Variants in SGCD observed in about 807,000 individuals in gnomAD.
The protein encoded by SGCD is sarcoglycan delta.
In SGCD, 18 loss-of-function variants were observed where a neutral mutation model predicts 36.6. The ratio of observed to expected loss-of-function variants is 0.49; its 90% CI spans 0.34 to 0.73. The LOEUF (loss-of-function observed/expected upper bound fraction) is 0.73. Among genes scored for constraint, SGCD ranks in the 30% least tolerant of loss-of-function variants. SGCD has a pLI of 0.01. For missense variants in SGCD, 387 were observed against 346.7 expected (o/e 1.12, Z -0.92); for synonymous variants, 133 against 130.6 (o/e 1.02, Z -0.12).
chr5:155,791,857 C>T, the SGCD span, among the ~76,000 whole-genome samples: 1 of 152,190 alleles, frequency 6.6e-6, no homozygotes, highest in Non-Finnish European at 1.5e-5. Flanking sequence ...AGATTCAATG[C>T]TATCCCTATG....
intron 4 of SGCD, among the ~76,000 whole-genome samples, chr5:156,545,432 G>A (rs969147424): frequency 6.6e-6 from 1 of 152,070 alleles, no homozygotes; most frequent in Admixed American, 6.6e-5. Flanking sequence ...TTTGGCACCA[G>A]GGAGCAGTTT....
At chr5:156,739,445 T>C (rs969863323) in intron 7 of SGCD, among the ~76,000 whole-genome samples, 15 of 152,160 alleles carry the variant, frequency 9.9e-5, no homozygotes, top group Non-Finnish European at 4.4e-5. Context: ...GACAAATAAA[T>C]AATTGCAAAT....
chr5:156,013,024 G>GTTTT (rs776733082), intron 1 of SGCD, among the ~76,000 whole-genome samples: 2 of 137,432 alleles, frequency 1.5e-5, no homozygotes, highest in African/African-American at 5.3e-5. Context: ...ACATTTAGGT[G>GTTTT]TTTTTTTTTT....
At chr5:156,487,648 C>T (rs372903569) in intron 3 of SGCD, among the ~76,000 whole-genome samples, 8 of 151,340 alleles carry the variant, frequency 5.3e-5, no homozygotes, top group African/African-American at 9.7e-5. Flanking sequence ...ATTAGCCAGG[C>T]GTGGTGGTGT....
At chr5:156,171,326 A>G (rs1399077614) in intron 3 of SGCD, among the ~76,000 whole-genome samples, 2 of 152,216 alleles carry the variant, frequency 1.3e-5, no homozygotes, top group African/African-American at 2.4e-5. Context: ...GGATCCATCT[A>G]CATTAGTCCT....
intron 3 of SGCD, among the ~76,000 whole-genome samples, chr5:156,419,558 G>A (rs1048242753): frequency 2.6e-5 from 4 of 152,140 alleles, no homozygotes; most frequent in South Asian, 2.1e-4. Flanking sequence ...GCTCTTCATG[G>A]ATCAGCCTAA....
chr5:155,965,389 G>C lies in SGCD; in HGVS notation c.-282+94965G>C, dbSNP rs1757882620. Among the ~76,000 whole-genome samples, 3 of 152,034 alleles carry C rather than the reference G, an allele frequency of 2.0e-5. No individual in the cohort carries two copies. In the South Asian group the frequency reaches 6.2e-4, roughly 31 times the overall value. ...CAGCTCCTTTCTAAGTATTGTCTTT[G>C]CCTCTTATGTCAATCATTGTTCAGG... On this transcript the variant is annotated intron_variant, in intron 1 of 9. Coordinates refer to the SGCD transcript ENST00000517913.
At chr5:156,483,018 T>C (rs1755507634) in intron 3 of SGCD, among the ~76,000 whole-genome samples, 2 of 152,106 alleles carry the variant, frequency 1.3e-5, no homozygotes, top group African/African-American at 4.8e-5. Flanking sequence ...CACTCCCCCT[T>C]GTGACAACTA....
At chr5:156,751,530 G>A (rs538164390) in intron 7 of SGCD, among the ~76,000 whole-genome samples, 13 of 151,884 alleles carry the variant, frequency 8.6e-5, no homozygotes, top group Middle Eastern at 3.4e-3. Flanking sequence ...AACCACAAAC[G>A]GAAAGAAGAA....
At chr5:156,079,153 A>G (rs112414437) in intron 1 of SGCD, among the ~76,000 whole-genome samples, 9,914 of 152,032 alleles carry the variant, frequency 0.065, 1,014 homozygotes, top group African/African-American at 0.22. Context: ...GCAAGAGAGA[A>G]AGAAAGAGTG....
intron 3 of SGCD, among the ~76,000 whole-genome samples, chr5:156,292,566 T>C (rs1298307087): frequency 1.3e-5 from 2 of 152,146 alleles, no homozygotes; most frequent in Non-Finnish European, 2.9e-5. Context: ...AACCTTGGTG[T>C]ATTAATATCT....
chr5:156,599,391 G>A (rs1054565541), intron 6 of SGCD, among the ~76,000 whole-genome samples: 2 of 151,386 alleles, frequency 1.3e-5, no homozygotes, highest in Admixed American at 6.6e-5. Context: ...AAAAAAAAAT[G>A]GAAGGAAGAA....
chr5:156,361,102 A>C (rs1769766819), intron 3 of SGCD, among the ~76,000 whole-genome samples: 1 of 152,182 alleles, frequency 6.6e-6, no homozygotes, highest in Non-Finnish European at 1.5e-5. Flanking sequence ...GTGCTGCTGC[A>C]GGCCCCATAT....
At chr5:156,350,334 AC>A (rs1292079292) in intron 3 of SGCD, among the ~76,000 whole-genome samples, 44 of 150,418 alleles carry the variant, frequency 2.9e-4, no homozygotes, top group African/African-American at 9.2e-4. Context: ...GGTTTGTTCA[AC>A]AATTTGAGAT....
intron 3 of SGCD, among the ~76,000 whole-genome samples, chr5:156,277,174 G>T (rs1413989943): frequency 6.6e-6 from 1 of 152,208 alleles, no homozygotes; most frequent in Non-Finnish European, 1.5e-5. Flanking sequence ...GGGTCCCAGT[G>T]CTGGGTGTGC....
intron 1 of SGCD, among the ~76,000 whole-genome samples, chr5:155,972,739 A>G (rs1476098657): frequency 3.3e-5 from 5 of 152,184 alleles, no homozygotes; most frequent in Non-Finnish European, 5.9e-5. Context: ...ACCAGGTATC[A>G]GGCAGTTTTA....
chr5:155,793,953 G>GAAAAAAAA, the SGCD span, among the ~76,000 whole-genome samples: 4 of 100,346 alleles, frequency 4.0e-5, no homozygotes, highest in Admixed American at 1.0e-4. Context: ...AAGCAAAAAT[G>GAAAAAAAA]AAAAAAAAAA....
At chr5:156,235,799 A>G (rs1183318342) in intron 3 of SGCD, among the ~76,000 whole-genome samples, 2 of 152,184 alleles carry the variant, frequency 1.3e-5, no homozygotes, top group African/African-American at 4.8e-5. Context: ...TGTGCAAGGT[A>G]TTTTATTTCC....
intron 4 of SGCD, among the ~76,000 whole-genome samples, chr5:156,554,395 A>G (rs1012958493): frequency 2.0e-5 from 3 of 151,242 alleles, no homozygotes; most frequent in Admixed American, 1.3e-4. Flanking sequence ...GGTACCATGT[A>G]TACATAATTT....
Sources: allele counts gnomAD v4.1 joint callset (sites outside exome capture counted in the v4.1 genomes callset), GRCh38; gene constraint gnomAD v4.1.1; transcripts MANE v1.5; gene names NCBI Gene and HGNC (gene_info 2026-07-23, HGNC 2026-07-21).